HSD17B4: variants seen among roughly 807,000 people sequenced by gnomAD.
The protein encoded by HSD17B4 is hydroxysteroid 17-beta dehydrogenase 4, also known as peroxisomal multifunctional enzyme type 2.
A neutral mutation model predicts 101.0 loss-of-function variants in HSD17B4; 70 were observed. That is an observed-to-expected ratio of 0.69 (90% confidence interval 0.57 to 0.85). The LOEUF (loss-of-function observed/expected upper bound fraction) is 0.85. Among genes scored for constraint, HSD17B4 ranks in the 40% least tolerant of loss-of-function variants. The pLI is 0.00. For synonymous variants in HSD17B4, 347 were observed against 297.1 expected, an observed-to-expected ratio of 1.17 and a Z score of -1.73; for missense variants, 984 against 892.4, an observed-to-expected ratio of 1.10 and a Z score of -1.31.
chr5:119,500,157 A>G (rs1208025664), intron 13 of HSD17B4, among the ~76,000 whole-genome samples: 2 of 151,974 alleles, frequency 1.3e-5, no homozygotes, highest in Admixed American at 1.3e-4. Context: ...GCTTTTGGAG[A>G]CTAGGTTATA....
chr5:119,493,177 T>G (rs530870149), intron 10 of HSD17B4: 7 of 152,522 alleles, frequency 4.6e-5, no homozygotes, highest in African/African-American at 1.4e-4. Flanking sequence ...GTCTGACTAT[T>G]ATGTTTAAAT....
At chr5:119,479,173 AT>A in intron 8 of HSD17B4, 152 bp downstream of exon 8, 1 of 615,428 alleles carries the variant, frequency 1.6e-6, no homozygotes, top group Non-Finnish European at 2.8e-6. Flanking sequence ...ATTGTGGAAA[AT>A]TTAGAAAAGC....
At chr5:119,467,753 C>T (rs1561434661) in intron 2 of HSD17B4, among the ~76,000 whole-genome samples, 1 of 152,178 alleles carries the variant, frequency 6.6e-6, no homozygotes, top group Non-Finnish European at 1.5e-5. Flanking sequence ...ACGTGGGTTT[C>T]ACAGGGCCAA....
chr5:119,474,063 C>A, intron 3 of HSD17B4, 48 bp downstream of exon 3: 1 of 942,506 alleles, frequency 1.1e-6, no homozygotes, highest in East Asian at 2.4e-5. Context: ...TCAACTAATG[C>A]TATTTGTCAC....
chr5:119,467,078 A>G (rs1282513704), intron 2 of HSD17B4, among the ~76,000 whole-genome samples: 1 of 152,156 alleles, frequency 6.6e-6, no homozygotes, highest in East Asian at 1.9e-4. Context: ...ATGTATTTGT[A>G]CTGTGTCCAA....
chr5:119,519,529 A>G (rs1382993795), intron 17 of HSD17B4, among the ~76,000 whole-genome samples: 2 of 152,238 alleles, frequency 1.3e-5, no homozygotes, highest in African/African-American at 4.8e-5. Context: ...GAAATCATGG[A>G]TGCTAGTTGG....
At position 119,464,848 on chromosome 5, in the gene HSD17B4, C is replaced by G. The variant is rs559205664; in HGVS notation, c.112+8480C>G. Among the ~76,000 whole-genome samples, 4 of 152,296 alleles carry G rather than the reference C, an allele frequency of 2.6e-5. No homozygotes were observed. The East Asian group carries it at 7.7e-4, about 29-fold the overall frequency. ...TGACCTCATGATCCGCCTGCCTTGG[C>G]CTCCTGAAGTGCTGGGATTATAGGC... is the stretch of plus-strand genomic sequence containing the variant. On this transcript the variant is annotated intron_variant, in intron 2 of 23. Coordinates refer to ENST00000510025, the MANE Select transcript of HSD17B4 (RefSeq NM_000414.4).
Position 119,506,855 on chromosome 5 carries a change from A to G in HSD17B4, c.1299A>G (p.Leu433=). 1 of 1,585,132 alleles carries G rather than the reference A, an allele frequency of 6.3e-7. No individual in the cohort carries two copies. Among genetic ancestry groups the G allele is most frequent in the Non-Finnish European group, 8.7e-7 (1 of 1,154,502 alleles). The stretch of plus-strand genomic sequence containing the variant: ...GTGAAGCAGTTGTTGCTGATGTCCT[A>G]GATAAAGGATCCGGTGTAGTGATTA... ...LKCEAVVADV[L]DKGSGVVIIM... is the part of the protein sequence containing the mutation. Residue 433 remains leucine, a synonymous_variant, in exon 15 of 24, where the codon CTA becomes CTG. Transcript: ENST00000510025.
intron 12 of HSD17B4, among the ~76,000 whole-genome samples, chr5:119,498,939 T>C (rs1226617573): frequency 6.6e-6 from 1 of 152,122 alleles, no homozygotes; most frequent in African/African-American, 2.4e-5. Flanking sequence ...AAGCAGTGTT[T>C]TACTCATCTG....
chr5:119,479,980 G>A (rs1748969128), intron 8 of HSD17B4, among the ~76,000 whole-genome samples: 1 of 152,042 alleles, frequency 6.6e-6, no homozygotes, highest in Non-Finnish European at 1.5e-5. Flanking sequence ...AGTTCTTGTT[G>A]CTTCACATCC....
intron 23 of HSD17B4, among the ~76,000 whole-genome samples, chr5:119,540,574 AC>A (rs1754909437): frequency 1.3e-5 from 2 of 152,174 alleles, no homozygotes; most frequent in Non-Finnish European, 2.9e-5. Flanking sequence ...TGAGTTGCAG[AC>A]CATCGTTTTG....
intron 2 of HSD17B4, among the ~76,000 whole-genome samples, chr5:119,462,563 GTTA>G (rs562231089): frequency 0.013 from 1,929 of 152,082 alleles, 17 homozygotes; most frequent in African/African-American, 0.023. Flanking sequence ...ATCAGTATAA[GTTA>G]TTATTATTAC....
intron 4 of HSD17B4, among the ~76,000 whole-genome samples, chr5:119,475,054 T>C (rs1290003948): frequency 6.6e-6 from 1 of 152,118 alleles, no homozygotes; most frequent in Non-Finnish European, 1.5e-5. Flanking sequence ...TTACTTATTC[T>C]TAATTGAATG....
intron 2 of HSD17B4, among the ~76,000 whole-genome samples, chr5:119,470,054 CACATGGTTGCTCT>C (rs1425947380): frequency 6.6e-6 from 1 of 152,174 alleles, no homozygotes; most frequent in Non-Finnish European, 1.5e-5. Context: ...GCACATGTGG[CACATGGTTGCTCT>C]ACTGCTAGAT....
At chr5:119,483,164 G>A (rs1032190407) in intron 8 of HSD17B4, among the ~76,000 whole-genome samples, 1 of 152,080 alleles carries the variant, frequency 6.6e-6, no homozygotes, top group African/African-American at 2.4e-5. Flanking sequence ...TAAAAGTGTT[G>A]GAGTCTCCTC....
chr5:119,512,297 G>A (rs1408299578), intron 16 of HSD17B4, among the ~76,000 whole-genome samples: 1 of 152,036 alleles, frequency 6.6e-6, no homozygotes, highest in Non-Finnish European at 1.5e-5. Context: ...AAAATTTTGA[G>A]GAAATAATGG....
At chr5:119,468,494 C>A (rs571370740) in intron 2 of HSD17B4, among the ~76,000 whole-genome samples, 305 of 151,804 alleles carry the variant, frequency 2.0e-3, no homozygotes, top group Non-Finnish European at 3.0e-3. Flanking sequence ...TGCTGTTAGT[C>A]TAATAAGTCT....
chr5:119,499,195 T>C (rs1365985152), intron 12 of HSD17B4, 122 bp from the exon 13 acceptor site: 3 of 686,458 alleles, frequency 4.4e-6, no homozygotes, highest in East Asian at 5.4e-5. Flanking sequence ...GCAATAATTA[T>C]GCTCCATCAA....
intron 2 of HSD17B4, among the ~76,000 whole-genome samples, chr5:119,466,128 A>G (rs1755784185): frequency 6.6e-6 from 1 of 152,216 alleles, no homozygotes. Flanking sequence ...TTATTGATAC[A>G]CATAACCATC....
Sources: allele counts gnomAD v4.1 joint callset (sites outside exome capture counted in the v4.1 genomes callset), GRCh38; gene constraint gnomAD v4.1.1; transcripts MANE v1.5; gene names NCBI Gene and HGNC (gene_info 2026-07-23, HGNC 2026-07-21).